The following ERC2 variants were observed in gnomAD, a reference collection of about 807,000 sequenced individuals.
ERC2 encodes ELKS/RAB6-interacting/CAST family member 2.
A neutral mutation model predicts 114.8 loss-of-function variants in ERC2; 42 were observed. That is an observed-to-expected ratio of 0.37 (90% CI 0.29 to 0.47). The LOEUF (loss-of-function observed/expected upper bound fraction) is 0.47. ERC2 is among the 20% of genes least tolerant of loss of function. The probability of loss-of-function intolerance (pLI) is 0.99; values close to 1 mark genes in which losing one functional copy is unlikely to be tolerated. For synonymous variants in ERC2, 454 were observed against 425.5 expected, an observed-to-expected ratio of 1.07 and a Z score of -0.82; for missense variants, 939 against 1,150.7, an observed-to-expected ratio of 0.82 and a Z score of 2.66.
At chr3:56,280,633 T>C (rs920756887) in intron 3 of ERC2, among the ~76,000 whole-genome samples, 5 of 152,210 alleles carry the variant, frequency 3.3e-5, no homozygotes, top group Non-Finnish European at 7.3e-5. Context: ...AGGCTTGGGA[T>C]GGAATTTTCC....
intron 2 of ERC2, among the ~76,000 whole-genome samples, chr3:56,420,888 C>A (rs189996225): frequency 0.011 from 1,675 of 149,556 alleles, 33 homozygotes; most frequent in African/African-American, 0.039. Flanking sequence ...CAGAGCAAGA[C>A]TCCGTCTCAA....
intron 17 of ERC2, among the ~76,000 whole-genome samples, chr3:55,529,315 G>T (rs1195357297): frequency 6.6e-6 from 1 of 152,186 alleles, no homozygotes; most frequent in East Asian, 1.9e-4. Context: ...CAATTTTCCA[G>T]TGAGCTCCTG....
At chr3:55,953,147 G>C (rs374507340) in intron 12 of ERC2, among the ~76,000 whole-genome samples, 4 of 151,406 alleles carry the variant, frequency 2.6e-5, no homozygotes, top group African/African-American at 9.7e-5. Context: ...ACAGGTTGCA[G>C]TGAGCCAAGA....
At chr3:56,375,424 G>C (rs1304413232) in intron 2 of ERC2, among the ~76,000 whole-genome samples, 1 of 152,180 alleles carries the variant, frequency 6.6e-6, no homozygotes, top group South Asian at 2.1e-4. Flanking sequence ...CTAGAGAAGA[G>C]AGAATTTTTG....
At chr3:56,133,859 CAATATTATCA>C (rs1575542300) in intron 6 of ERC2, among the ~76,000 whole-genome samples, 1 of 152,188 alleles carries the variant, frequency 6.6e-6, no homozygotes, top group Non-Finnish European at 1.5e-5. Context: ...CCAGTATTAT[CAATATTATCA>C]AATATTATCA....
chr3:56,441,005 C>T (rs572712120), intron 1 of ERC2, among the ~76,000 whole-genome samples: 1 of 152,308 alleles, frequency 6.6e-6, no homozygotes, highest in South Asian at 2.1e-4. Context: ...TGAATCTGGA[C>T]TGGCCTTGTG....
At chr3:55,736,545 T>C (rs1396216821) in intron 14 of ERC2, among the ~76,000 whole-genome samples, 1 of 152,196 alleles carries the variant, frequency 6.6e-6, no homozygotes, top group Non-Finnish European at 1.5e-5. Flanking sequence ...TCTTATTTAT[T>C]ATTTGCTTTC....
intron 6 of ERC2, among the ~76,000 whole-genome samples, chr3:56,099,297 T>C (rs900289731): frequency 2.6e-5 from 4 of 152,214 alleles, no homozygotes; most frequent in African/African-American, 9.6e-5. Context: ...TAAACTTCTG[T>C]TGTTTTAAGC....
At chr3:56,268,817 TTC>T (rs1365486289) in intron 3 of ERC2, among the ~76,000 whole-genome samples, 1 of 152,176 alleles carries the variant, frequency 6.6e-6, no homozygotes, top group Non-Finnish European at 1.5e-5. Context: ...GCTTTACAAG[TTC>T]TAATTTTCAC....
intron 7 of ERC2, among the ~76,000 whole-genome samples, chr3:56,070,956 A>C (rs749108412): frequency 2.0e-5 from 3 of 152,160 alleles, no homozygotes; most frequent in Non-Finnish European, 4.4e-5. Flanking sequence ...TATCTTTTCC[A>C]GGAAGTCCTC....
At chr3:56,466,577 C>T (rs2063552437) in intron 1 of ERC2, among the ~76,000 whole-genome samples, 1 of 152,176 alleles carries the variant, frequency 6.6e-6, no homozygotes, top group South Asian at 2.1e-4. Context: ...AACTCTACTA[C>T]TCCCCGGAAA....
At chr3:55,971,524 T>C (rs1022970543) in intron 12 of ERC2, among the ~76,000 whole-genome samples, 1 of 152,172 alleles carries the variant, frequency 6.6e-6, no homozygotes. Context: ...CATAGACACA[T>C]CTTTAAAAAT....
chr3:55,613,470 G>A (rs781499499), intron 17 of ERC2, among the ~76,000 whole-genome samples: 13 of 152,162 alleles, frequency 8.5e-5, no homozygotes, highest in African/African-American at 2.2e-4. Flanking sequence ...AGGAAAATGC[G>A]TGTATACACA....
chr3:56,258,610 C>T (rs972259997), intron 3 of ERC2, among the ~76,000 whole-genome samples: 18 of 152,254 alleles, frequency 1.2e-4, no homozygotes, highest in African/African-American at 3.1e-4. Context: ...GCCAAGATCG[C>T]GCCACTGCAC....
intron 4 of ERC2, among the ~76,000 whole-genome samples, chr3:56,160,586 C>A (rs540138051): frequency 1.3e-5 from 2 of 152,288 alleles, no homozygotes; most frequent in South Asian, 4.1e-4. Flanking sequence ...CCTAGATTTT[C>A]TTCTGGGATT....
chr3:56,298,451 A>C (rs1410111257), intron 2 of ERC2, among the ~76,000 whole-genome samples: 2 of 152,190 alleles, frequency 1.3e-5, no homozygotes, highest in Non-Finnish European at 2.9e-5. Context: ...TATTAGTCAA[A>C]AAGTGTTAAC....
At chr3:55,604,985 C>T (rs531531060) in intron 17 of ERC2, among the ~76,000 whole-genome samples, 3 of 152,280 alleles carry the variant, frequency 2.0e-5, no homozygotes, top group South Asian at 4.1e-4. Flanking sequence ...TGAGAATTTA[C>T]ATTACTAAGA....
intron 4 of ERC2, among the ~76,000 whole-genome samples, chr3:56,172,990 A>C (rs1415557346): frequency 1.3e-5 from 2 of 152,212 alleles, no homozygotes; most frequent in Non-Finnish European, 2.9e-5. Context: ...ACCAGAAAGT[A>C]TCATTTTTTG....
At chr3:56,292,624 G>A (rs2055169957) in intron 3 of ERC2, among the ~76,000 whole-genome samples, 1 of 151,856 alleles carries the variant, frequency 6.6e-6, no homozygotes, top group African/African-American at 2.4e-5. Flanking sequence ...AAAGAAAAGG[G>A]ACATAGTAAA....
Sources: allele counts gnomAD v4.1 joint callset (sites outside exome capture counted in the v4.1 genomes callset), GRCh38; gene constraint gnomAD v4.1.1; transcripts MANE v1.5; gene names NCBI Gene and HGNC (gene_info 2026-07-23, HGNC 2026-07-21).